Variants in XG observed in about 807,000 individuals in gnomAD.
XG encodes Xg glycoprotein (Xg blood group), also known as glycoprotein Xg.
In XG, 24 loss-of-function variants were observed where a neutral mutation model predicts 25.7. The ratio of observed to expected loss-of-function variants is 0.93; its 90% CI spans 0.68 to 1.31. The LOEUF (loss-of-function observed/expected upper bound fraction) is 1.31. Ranked by LOEUF, XG falls within the 40% of genes most tolerant of loss-of-function variation. The probability of loss-of-function intolerance (pLI) is 0.00; values close to 1 mark genes in which losing one functional copy is unlikely to be tolerated. For synonymous variants in XG, 77 were observed against 69.2 expected, an observed-to-expected ratio of 1.11 and a Z score of -0.56; for missense variants, 181 against 187.6, an observed-to-expected ratio of 0.96 and a Z score of 0.21.
intron 3 of XG, among the ~76,000 whole-genome samples, chrX:2,781,442 C>T (rs1239399718): frequency 1.3e-5 from 2 of 150,168 alleles, no homozygotes; most frequent in Non-Finnish European, 3.0e-5. Flanking sequence ...GGAAGATCCT[C>T]AGGACTCAGA....
intron 2 of XG, among the ~76,000 whole-genome samples, chrX:2,770,951 A>T (rs1029801616): frequency 1.3e-5 from 2 of 152,038 alleles, no homozygotes; most frequent in African/African-American, 4.8e-5. Flanking sequence ...GGCTCAAGTG[A>T]TCCTCCCACC....
intron 3 of XG, among the ~76,000 whole-genome samples, chrX:2,778,050 C>T (rs1294850052): frequency 6.6e-6 from 1 of 152,142 alleles, no homozygotes; most frequent in Non-Finnish European, 1.5e-5. Context: ...GACAAAATAA[C>T]CTTCGAGGTG....
At position 2,765,189 on chromosome X, in the gene XG, T is replaced by TA. The variant is rs1265768136; in HGVS notation, c.62-5353dup. ...GGTGAAACCCCATCTCTACTAAAAA[T>TA]AAAAAAAATTAGTTGGGCATAGTAG... On this transcript the variant is annotated intron_variant, in intron 1 of 10. Coordinates refer to ENST00000644266, the MANE Select transcript of XG (RefSeq NM_001141919.2). 1.5e-3 allele frequency among the ~76,000 whole-genome samples: 223 copies of TA among 149,236 alleles called. 2 individuals are homozygous for TA. The highest frequency in any genetic ancestry group is 5.7e-3 in the South Asian group (27 of 4,716).
intron 1 of XG, among the ~76,000 whole-genome samples, chrX:2,769,131 G>A (rs1048779238): frequency 6.6e-6 from 1 of 152,236 alleles, no homozygotes; most frequent in African/African-American, 2.4e-5. Flanking sequence ...ACAAGGAGCG[G>A]CAAAGCCTGC....
intron 5 of XG, among the ~76,000 whole-genome samples, chrX:2,791,176 T>C (rs1453663051): frequency 9.0e-6 from 1 of 110,533 alleles, no homozygotes; most frequent in African/African-American, 3.3e-5. Context: ...CAATTGTGTC[T>C]CACGAACGTG....
At chrX:2,766,641 T>C (rs1264968114) in intron 1 of XG, among the ~76,000 whole-genome samples, 1 of 143,014 alleles carries the variant, frequency 7.0e-6, no homozygotes, top group Non-Finnish European at 1.5e-5. Context: ...CTCGGCTCAC[T>C]GCAAGCTCCG....
chrX:2,798,369 CTTT>C (rs748928232), intron 7 of XG, among the ~76,000 whole-genome samples: 162 of 83,842 alleles, frequency 1.9e-3, no homozygotes, highest in African/African-American at 7.2e-3. Context: ...ACCATCTTTT[CTTT>C]TTTTTTTTTT....
chrX:2,780,717 C>CA (rs768428145), intron 3 of XG, among the ~76,000 whole-genome samples: 2,055 of 121,528 alleles, frequency 0.017, 59 homozygotes, highest in African/African-American at 0.059. Flanking sequence ...GACTCTGTCT[C>CA]AAAAAAAAAA....
intron 1 of XG, among the ~76,000 whole-genome samples, chrX:2,760,463 C>A (rs1006995311): frequency 6.6e-6 from 1 of 150,566 alleles, no homozygotes; most frequent in Non-Finnish European, 1.5e-5. Flanking sequence ...AGGCTGGGTG[C>A]GGTGGCTCAT....
At chrX:2,795,269 T>A (rs1486416367) in intron 6 of XG, among the ~76,000 whole-genome samples, 28 of 107,872 alleles carry the variant, frequency 2.6e-4, no homozygotes, top group Non-Finnish European at 4.8e-4. Flanking sequence ...TATATCTTTT[T>A]AAAAATATAT....
chrX:2,760,266 C>G (rs1421164975), intron 1 of XG, among the ~76,000 whole-genome samples: 1 of 152,106 alleles, frequency 6.6e-6, no homozygotes, highest in Non-Finnish European at 1.5e-5. Context: ...TCTAGATTCC[C>G]AAACCCTGGT....
At chrX:2,777,303 C>A (rs1399177090) in intron 3 of XG, among the ~76,000 whole-genome samples, 4 of 152,038 alleles carry the variant, frequency 2.6e-5, no homozygotes, top group African/African-American at 9.7e-5. Flanking sequence ...TTAGATATTG[C>A]TGGATTTTGA....
intron 1 of XG, among the ~76,000 whole-genome samples, chrX:2,752,558 G>A (rs60921977): frequency 0.011 from 1,636 of 152,218 alleles, 25 homozygotes; most frequent in African/African-American, 0.036. Flanking sequence ...CAGGATGTTA[G>A]CTGATACCAT....
chrX:2,766,557 C>CTTT (rs1177391752), intron 1 of XG, among the ~76,000 whole-genome samples: 1 of 90,170 alleles, frequency 1.1e-5, no homozygotes, highest in Non-Finnish European at 2.1e-5. Flanking sequence ...CTTATGGCCA[C>CTTT]TTTTTTTTTT....
chrX:2,806,625 C>A, intron 7 of XG, 76 bp from the exon 8 acceptor site: 3 of 930,930 alleles, frequency 3.2e-6, no homozygotes, highest in Non-Finnish European at 1.5e-6. Flanking sequence ...GGTTTGCTGA[C>A]CTGCTTGCTT....
rs2050344865 is a variant in XG, at chrX:2,752,232, T to C, written c.-43T>C. On this transcript the variant is annotated 5_prime_UTR_variant, in exon 1 of 11. Coordinates refer to ENST00000644266, the MANE Select transcript of XG (RefSeq NM_001141919.2). ...GAGAGGCCGGGTCTCACAATCCGCT[T>C]GGCTGGGGAGTCCACTGAGGTTCTT... 6.2e-7 allele frequency: 1 copy of C among 1,613,214 alleles called. No individual in the cohort carries two copies. The highest frequency in any genetic ancestry group is 8.5e-7 in the Non-Finnish European group (1 of 1,179,470).
At chrX:2,754,066 G>A (rs2050385190) in intron 1 of XG, among the ~76,000 whole-genome samples, 2 of 152,078 alleles carry the variant, frequency 1.3e-5, no homozygotes, top group Middle Eastern at 3.2e-3. Context: ...TGTATTAAAT[G>A]CACTTACAAC....
At chrX:2,789,876 T>G (rs2086821413) in intron 5 of XG, among the ~76,000 whole-genome samples, 170 bp downstream of exon 5, 1 of 110,693 alleles carries the variant, frequency 9.0e-6, no homozygotes, top group Non-Finnish European at 1.9e-5. Context: ...TTATTATTTA[T>G]TTTGGAGACA....
At chrX:2,779,796 G>A (rs182158331) in intron 3 of XG, among the ~76,000 whole-genome samples, 306 of 151,938 alleles carry the variant, frequency 2.0e-3, no homozygotes, top group African/African-American at 6.9e-3. Flanking sequence ...ACAGGTATGC[G>A]CCACCACCCC....
Sources: gnomAD v4.1 joint callset for allele counts (sites outside exome capture counted in the v4.1 genomes callset) on GRCh38, gnomAD v4.1.1 for gene constraint, MANE v1.5 for transcripts, NCBI Gene and HGNC (gene_info 2026-07-23, HGNC 2026-07-21) for gene names.